Variants in HERC1 observed in about 807,000 individuals in gnomAD.
HERC1 encodes probable E3 ubiquitin-protein ligase HERC1.
In HERC1, 160 loss-of-function variants were observed where a neutral mutation model predicts 554.3. The ratio of observed to expected loss-of-function variants is 0.29; its 90% CI spans 0.25 to 0.33. The LOEUF (loss-of-function observed/expected upper bound fraction) is 0.33. Among genes scored for constraint, HERC1 ranks in the 10% least tolerant of loss-of-function variants. The pLI is 1.00. For synonymous variants in HERC1, 2,175 were observed against 2,131.7 expected (o/e 1.02, Z -0.56); for missense variants, 4,919 against 5,918.5 (o/e 0.83, Z 5.54).
chr15:63,788,397 C>G (rs1273604081), intron 1 of HERC1, among the ~76,000 whole-genome samples: 1 of 152,130 alleles, frequency 6.6e-6, no homozygotes, highest in African/African-American at 2.4e-5. Context: ...ACTATAATCA[C>G]AACAAAATAA....
intron 1 of HERC1, among the ~76,000 whole-genome samples, chr15:63,820,788 G>A (rs2077663979): frequency 6.6e-6 from 1 of 152,112 alleles, no homozygotes; most frequent in Admixed American, 6.5e-5. Context: ...AAGTAGCTAG[G>A]ACTATAGGCA....
chr15:63,646,924 A>C (rs1212877849), intron 55 of HERC1, among the ~76,000 whole-genome samples: 1 of 152,168 alleles, frequency 6.6e-6, no homozygotes, highest in Non-Finnish European at 1.5e-5. Flanking sequence ...ATATGAAAAA[A>C]TGCTCAACAT....
rs1595984036 is a variant in HERC1 at position 63,690,592 on chromosome 15, T to C, written c.5886A>G (p.Glu1962=). The C allele has an allele frequency of 1.9e-6, 3 of 1,613,516 alleles. No homozygotes were observed. The highest frequency in any genetic ancestry group is 2.5e-6 in the Non-Finnish European group (3 of 1,179,582). Residue 1962 remains glutamate (E), a synonymous_variant, in exon 32 of 78, where the codon GAA becomes GAG. Coordinates refer to ENST00000443617, the MANE Select transcript of HERC1 (RefSeq NM_003922.4). ...RTRLLALHVL[E]AVLPACESGV... is the part of the protein sequence containing the mutation. The stretch of plus-strand genomic sequence containing the variant: ...CAGATTCACAAGCTGGCAGCACAGC[T>C]TCAAGGACATGAAGTGCAAGGAGCC...
chr15:63,760,387 G>GCCAA (rs997341598), intron 3 of HERC1, among the ~76,000 whole-genome samples: 1 of 133,958 alleles, frequency 7.5e-6, no homozygotes, highest in African/African-American at 2.8e-5. Context: ...GTTGCAGTGA[G>GCCAA]CCAAGATCAT....
At position 63,718,796 on chromosome 15, in the gene HERC1, A is replaced by G. The variant is rs1277670936; in HGVS notation, c.3844T>C (p.Cys1282Arg). The change falls in exon 20 of 78, where the codon TGT becomes CGT. Residue 1282 changes from cysteine to arginine, a missense_variant. By Grantham distance (180) the Cys-to-Arg change is radical. This residue lies in a region of HERC1 where 1,121 missense variants were observed against 1,244.0 expected (regional missense o/e 0.90). Coordinates refer to ENST00000443617, the MANE Select transcript of HERC1 (RefSeq NM_003922.4). The surrounding 1 kb of genome is among the most constrained non-coding windows in gnomAD (Gnocchi z 4.2). ...LKHTNLLSQACGESRYQPGKH... is the reference protein window; with the variant it reads ...LKHTNLLSQARGESRYQPGKH... ...TAAGTTACTTGCCGGCTTTCTCCAC[A>G]TGCTTGACTAAGTAAATTTGTGTGT... 6.8e-6 allele frequency: 11 copies of G among 1,613,010 alleles called. No individual in the cohort carries two copies. Among genetic ancestry groups the G allele is most frequent in the Admixed American group, 6.7e-5 (4 of 59,960 alleles).
chr15:63,640,219 T>C lies in HERC1; in HGVS notation c.11834A>G (p.Gln3945Arg), dbSNP rs1175205160. 6.2e-7 allele frequency: 1 copy of C among 1,613,852 alleles called. No individual in the cohort carries two copies. The highest frequency in any genetic ancestry group is 8.5e-7 in the Non-Finnish European group (1 of 1,179,844). Reference protein sequence around the residue: ...KAAEALTNGAQFPESFTVPDL... With the variant: ...KAAEALTNGARFPESFTVPDL... ...TGGAACGGTAAAAGATTCTGGAAAC[T>C]GGGCTCCATTGGTCAGGGCTTCGGC... The change falls in exon 61 of 78, where the codon CAG becomes CGG. Residue 3945 changes from glutamine (Q) to arginine (R), a missense_variant. Physicochemically the swap from Gln to Arg is conservative, Grantham distance 43. Around this residue, in one of 11 missense-constraint regions of HERC1, gnomAD observed 1,963 missense variants for 2,228.6 expected, o/e 0.88. Coordinates refer to ENST00000443617, the MANE Select transcript of HERC1 (RefSeq NM_003922.4).
At chr15:63,637,783 A>C in intron 63 of HERC1, 140 bp from the exon 64 acceptor site, 10 of 204,970 alleles carry the variant, frequency 4.9e-5, no homozygotes, top group Non-Finnish European at 9.6e-5. Context: ...AGTTGATATA[A>C]CTATGCAGTC....
chr15:63,680,699 A>G lies in HERC1; in HGVS notation c.6303T>C (p.Asn2101=). ...GVSRWPVHDF[N]HRTTSDMWLY... ...GCCACATATCCGAGGTAGTGCGGTG[A>G]TTAAAGTCATGTACTGGCCAGCGAG... Residue 2101 remains asparagine (N), a synonymous_variant, in exon 35 of 78, where the codon AAT becomes AAC. Transcript: ENST00000443617. The surrounding 1 kb of genome is among the most constrained non-coding windows in gnomAD (Gnocchi z 5.8). 6.2e-7 allele frequency: 1 copy of G among 1,613,770 alleles called. No individual in the cohort carries two copies. The highest frequency in any genetic ancestry group is 2.2e-5 in the East Asian group (1 of 44,878).
intron 51 of HERC1, among the ~76,000 whole-genome samples, chr15:63,653,799 G>C (rs2069844246): frequency 6.6e-6 from 1 of 152,092 alleles, no homozygotes; most frequent in South Asian, 2.1e-4. Flanking sequence ...TTGGTAGTTG[G>C]TTGAATCAAT....
chr15:63,745,545 T>C (rs903651022), intron 12 of HERC1, among the ~76,000 whole-genome samples: 14 of 152,178 alleles, frequency 9.2e-5, no homozygotes, highest in African/African-American at 2.7e-4. Flanking sequence ...CAGGATAGCA[T>C]TGAGTTCAAT....
chr15:63,678,079 T>C lies in HERC1; in HGVS notation c.6836A>G (p.Glu2279Gly). The stretch of plus-strand genomic sequence containing the variant: ...GCCATGCCTAGTATGTTTACCTTTC[T>C]CTTCCTCTTTGCTCTCCTTCTCCTC... ...MREEKESKEE[E>G]KGKHTRHGLA... Residue 2279 changes from glutamate to glycine, a missense_variant, in exon 37 of 78, where the codon GAG becomes GGG. Physicochemically the swap from Glu to Gly is moderately conservative, Grantham distance 98. Coordinates refer to ENST00000443617, the MANE Select transcript of HERC1 (RefSeq NM_003922.4). 1 of 1,614,036 alleles carries C rather than the reference T, an allele frequency of 6.2e-7. No homozygotes were observed. Among genetic ancestry groups the C allele is most frequent in the Non-Finnish European group, 8.5e-7 (1 of 1,179,896 alleles).
Position 63,659,833 on chromosome 15 carries a change from T to G in HERC1, c.9327A>C (p.Val3109=), listed in dbSNP as rs577147384. 1 of 1,613,812 alleles carries G rather than the reference T, an allele frequency of 6.2e-7. No homozygotes were observed. Among genetic ancestry groups the G allele is most frequent in the African/African-American group, 1.3e-5 (1 of 74,920 alleles). The change falls in exon 47 of 78, where the codon GTA becomes GTC. Residue 3109 remains valine (V), a synonymous_variant. Transcript: ENST00000443617. ...GPLGLNDRRI[V]PEPVQFPDSD... is the part of the protein sequence containing the mutation. ...TGTCAGGGAACTGAACTGGTTCTGG[T>G]ACAATGCGCCGGTCATTTAAACCAA...
Position 63,654,224 on chromosome 15 carries a change from A to C in HERC1, c.10185T>G (p.Leu3395=), listed in dbSNP as rs368385929. The C allele has an allele frequency of 2.1e-5, 34 of 1,613,644 alleles. No homozygotes were observed. The highest frequency in any genetic ancestry group is 2.9e-5 in the Non-Finnish European group (34 of 1,179,684). The part of the protein sequence containing the change: ...QWAAQQLVRT[L]AAHDRDNQTT... ...TTTGGTTGTCACGGTCGTGTGCAGCAAGAGTGCGCACGAGTTGCTGAGCTG... is the reference window on the plus strand; with the variant it reads ...TTTGGTTGTCACGGTCGTGTGCAGCCAGAGTGCGCACGAGTTGCTGAGCTG... Residue 3395 remains leucine, a synonymous_variant, in exon 51 of 78, where the codon CTT becomes CTG. Coordinates refer to ENST00000443617, the MANE Select transcript of HERC1 (RefSeq NM_003922.4).
At chr15:63,763,445 T>C (rs1292085049) in intron 3 of HERC1, among the ~76,000 whole-genome samples, 1 of 152,008 alleles carries the variant, frequency 6.6e-6, no homozygotes, top group Non-Finnish European at 1.5e-5. Context: ...AACTGCATCA[T>C]GAGTAATCTA....
chr15:63,619,697 T>C (rs952440561), intron 74 of HERC1, among the ~76,000 whole-genome samples: 1 of 152,258 alleles, frequency 6.6e-6, no homozygotes, highest in Non-Finnish European at 1.5e-5. Context: ...ATTCAGAGAT[T>C]CAACTTCTTC....
chr15:63,674,877 A>G lies in HERC1; in HGVS notation c.7311T>C (p.Ala2437=), dbSNP rs1283381659. 1 of 1,613,918 alleles carries G rather than the reference A, an allele frequency of 6.2e-7. No homozygotes were observed. Among genetic ancestry groups the G allele is most frequent in the Non-Finnish European group, 8.5e-7 (1 of 1,179,800 alleles). Residue 2437 remains alanine (A), a synonymous_variant, in exon 38 of 78, where the codon GCT becomes GCC. Coordinates refer to ENST00000443617, the MANE Select transcript of HERC1 (RefSeq NM_003922.4). ...DVEQKPESES[A]LDMRTGLTSD... is the part of the protein sequence containing the mutation. Reference sequence around the variant, plus strand: ...ATGTTAGGCCTGTTCGCATATCTAAAGCGGATTCACTCTCAGGTTTCTGCT... The same window carrying G: ...ATGTTAGGCCTGTTCGCATATCTAAGGCGGATTCACTCTCAGGTTTCTGCT...
chr15:63,693,719 G>A (rs1486757301), intron 30 of HERC1, among the ~76,000 whole-genome samples: 1 of 152,200 alleles, frequency 6.6e-6, no homozygotes, highest in Non-Finnish European at 1.5e-5. Flanking sequence ...CAGCCAAGGA[G>A]AGGCTGAACC....
chr15:63,727,640 T>C lies in HERC1; in HGVS notation c.3346+7A>G, dbSNP rs777847172. The C allele has an allele frequency of 1.3e-5, 21 of 1,601,146 alleles. No homozygotes were observed. The highest frequency in any genetic ancestry group is 1.8e-5 in the Non-Finnish European group (21 of 1,172,822). ...GCATTATTTGCTCTTTTATTGTCTT[T>C]ACTTACCATGAAGAGGCCACTGTAA... On this transcript the variant is annotated splice_region_variant and intron_variant, in intron 17 of 77. Coordinates refer to ENST00000443617, the MANE Select transcript of HERC1 (RefSeq NM_003922.4). This position sits in a 1 kb window ranked among gnomAD's most constrained non-coding sequence, Gnocchi z 4.3.
At chr15:63,741,371 C>T (rs149767093) in intron 12 of HERC1, among the ~76,000 whole-genome samples, 3 of 151,772 alleles carry the variant, frequency 2.0e-5, no homozygotes, top group African/African-American at 7.3e-5. Flanking sequence ...GTCTCCCAGG[C>T]TGGAGTGCAA....
Sources: allele counts gnomAD v4.1 joint callset (sites outside exome capture counted in the v4.1 genomes callset), GRCh38; gene constraint gnomAD v4.1.1; regional missense constraint gnomAD v4.1.1; non-coding constraint Gnocchi (gnomAD v3.1); transcripts MANE v1.5; gene names NCBI Gene and HGNC (gene_info 2026-07-23, HGNC 2026-07-21).